Variants in ARHGAP15 observed in about 807,000 individuals in gnomAD.
The protein encoded by ARHGAP15 is rho GTPase-activating protein 15.
Under a neutral mutation model 63.7 loss-of-function variants are expected in ARHGAP15, and 51 were observed. The ratio of observed to expected loss-of-function variants is 0.80; its 90% confidence interval spans 0.64 to 1.01. ARHGAP15 has a LOEUF of 1.01. ARHGAP15 is among the 50% of genes least tolerant of loss of function. The pLI, the probability that ARHGAP15 is intolerant of heterozygous loss-of-function variation, is 0.00. For missense variants in ARHGAP15, 560 were observed against 564.6 expected, an observed-to-expected ratio of 0.99 and a Z score of 0.08; for synonymous variants, 191 against 193.8, an observed-to-expected ratio of 0.99 and a Z score of 0.12.
At chr2:143,472,971 T>C (rs567532657) in intron 8 of ARHGAP15, among the ~76,000 whole-genome samples, 1 of 152,294 alleles carries the variant, frequency 6.6e-6, no homozygotes, top group East Asian at 1.9e-4. Flanking sequence ...TATTCAATTA[T>C]TAAACATTTT....
intron 9 of ARHGAP15, among the ~76,000 whole-genome samples, chr2:143,517,505 T>C (rs1693874708): frequency 6.6e-6 from 1 of 152,222 alleles, no homozygotes; most frequent in Admixed American, 6.5e-5. Context: ...AGATGATGTC[T>C]TGCAGTCCCT....
intron 9 of ARHGAP15, among the ~76,000 whole-genome samples, chr2:143,496,442 T>A (rs915757778): frequency 1.3e-5 from 2 of 152,172 alleles, no homozygotes; most frequent in Non-Finnish European, 2.9e-5. Flanking sequence ...TGAGCCAGAA[T>A]GATAAATTGG....
intron 6 of ARHGAP15, among the ~76,000 whole-genome samples, chr2:143,368,723 G>A (rs551623220): frequency 2.6e-5 from 4 of 152,228 alleles, no homozygotes; most frequent in African/African-American, 4.8e-5. Context: ...ACACTTAGGC[G>A]TGGGGGCAGA....
chr2:143,293,756 C>T (rs536773028), intron 6 of ARHGAP15, among the ~76,000 whole-genome samples: 2 of 152,056 alleles, frequency 1.3e-5, no homozygotes, highest in East Asian at 1.9e-4. Flanking sequence ...ATATGTTTTG[C>T]AACTATTAAG....
chr2:143,472,920 G>A (rs990890059), intron 8 of ARHGAP15, among the ~76,000 whole-genome samples: 6 of 152,102 alleles, frequency 3.9e-5, no homozygotes, highest in African/African-American at 9.7e-5. Flanking sequence ...CTCTTAATGC[G>A]CAAGCCTGTG....
chr2:143,545,345 C>A (rs1358428801), intron 10 of ARHGAP15, among the ~76,000 whole-genome samples: 1 of 152,144 alleles, frequency 6.6e-6, no homozygotes, highest in African/African-American at 2.4e-5. Flanking sequence ...TGAATGTGTT[C>A]TAAATTAAAC....
intron 6 of ARHGAP15, among the ~76,000 whole-genome samples, chr2:143,338,079 G>A (rs1035507350): frequency 6.6e-6 from 1 of 152,062 alleles, no homozygotes; most frequent in African/African-American, 2.4e-5. Context: ...ACTCTTATAT[G>A]TTCTATCTCA....
At chr2:143,145,242 T>G (rs979330862) in intron 1 of ARHGAP15, among the ~76,000 whole-genome samples, 2 of 152,034 alleles carry the variant, frequency 1.3e-5, no homozygotes, top group African/African-American at 4.8e-5. Flanking sequence ...AACAATAAAT[T>G]ATAATGAGTG....
At chr2:143,605,191 T>A (rs1417291570) in intron 11 of ARHGAP15, among the ~76,000 whole-genome samples, 1 of 152,106 alleles carries the variant, frequency 6.6e-6, no homozygotes, top group East Asian at 1.9e-4. Flanking sequence ...CACCCAGCCA[T>A]ACTTTGCATT....
At chr2:143,416,417 TAG>T (rs1229155584) in intron 6 of ARHGAP15, among the ~76,000 whole-genome samples, 2 of 152,176 alleles carry the variant, frequency 1.3e-5, no homozygotes, top group Admixed American at 6.5e-5. Context: ...GAGGCAAAAT[TAG>T]AGTTTCTGTC....
chr2:143,731,211 T>G (rs1307140259), intron 13 of ARHGAP15, among the ~76,000 whole-genome samples: 2 of 152,142 alleles, frequency 1.3e-5, no homozygotes, highest in Non-Finnish European at 2.9e-5. Flanking sequence ...CTTTAAATTG[T>G]GGAAAGAAAA....
At chr2:143,172,998 G>A (rs181759033) in intron 2 of ARHGAP15, among the ~76,000 whole-genome samples, 303 of 152,104 alleles carry the variant, frequency 2.0e-3, no homozygotes, top group African/African-American at 6.9e-3. Flanking sequence ...TGGAAAAGGG[G>A]GAGTGAACCA....
intron 11 of ARHGAP15, among the ~76,000 whole-genome samples, chr2:143,598,455 G>C (rs1019040817): frequency 2.6e-5 from 4 of 152,180 alleles, no homozygotes; most frequent in Admixed American, 1.3e-4. Flanking sequence ...ATGTTACACA[G>C]ATGGTCACCA....
intron 6 of ARHGAP15, among the ~76,000 whole-genome samples, chr2:143,266,307 T>C (rs1257827957): frequency 6.6e-6 from 1 of 152,130 alleles, no homozygotes; most frequent in Admixed American, 6.5e-5. Context: ...TTTTTCAATA[T>C]AATACAAATC....
At chr2:143,654,877 T>C (rs1681354203) in intron 12 of ARHGAP15, among the ~76,000 whole-genome samples, 1 of 152,134 alleles carries the variant, frequency 6.6e-6, no homozygotes, top group South Asian at 2.1e-4. Flanking sequence ...GCAAGAGGAT[T>C]GCTTGGGACC....
At chr2:143,431,116 C>T (rs1293228110) in intron 6 of ARHGAP15, among the ~76,000 whole-genome samples, 4 of 151,932 alleles carry the variant, frequency 2.6e-5, no homozygotes, top group African/African-American at 9.7e-5. Flanking sequence ...CTTTTAAAAT[C>T]GGGCTATCTT....
chr2:143,477,848 A>G (rs1355779485), intron 8 of ARHGAP15, among the ~76,000 whole-genome samples: 1 of 152,254 alleles, frequency 6.6e-6, no homozygotes, highest in Non-Finnish European at 1.5e-5. Flanking sequence ...GCAACCAGGA[A>G]CAAAACAAGC....
chr2:143,457,776 TATTA>T (rs955444658), intron 8 of ARHGAP15, among the ~76,000 whole-genome samples: 7 of 151,732 alleles, frequency 4.6e-5, no homozygotes, highest in Admixed American at 2.6e-4. Context: ...CCAAGTACCT[TATTA>T]ATTTAAAAAT....
At chr2:143,635,034 T>C (rs750928726) in intron 12 of ARHGAP15, among the ~76,000 whole-genome samples, 7 of 151,952 alleles carry the variant, frequency 4.6e-5, no homozygotes, top group African/African-American at 7.3e-5. Flanking sequence ...CAAAATGTTA[T>C]CAGTTGAACA....
Sources: allele counts gnomAD v4.1 joint callset (sites outside exome capture counted in the v4.1 genomes callset), GRCh38; gene constraint gnomAD v4.1.1; transcripts MANE v1.5; gene names NCBI Gene and HGNC (gene_info 2026-07-23, HGNC 2026-07-21).